NBAS: variants seen among roughly 807,000 people sequenced by gnomAD.
The protein encoded by NBAS is NBAS subunit of NRZ tethering complex, also known as NAG/BC035112 fusion.
In NBAS, 219 loss-of-function variants were observed where a neutral mutation model predicts 302.5. The observed-to-expected ratio is 0.72, with a 90% CI of 0.65 to 0.81. The LOEUF (loss-of-function observed/expected upper bound fraction) is 0.81, where lower values mean the gene tolerates loss of function less well. Among genes scored for constraint, NBAS ranks in the 30% least tolerant of loss-of-function variants. The probability of loss-of-function intolerance (pLI) is 0.00; values close to 1 mark genes in which losing one functional copy is unlikely to be tolerated. For missense variants in NBAS, 2,932 were observed against 2,841.6 expected (o/e 1.03, Z -0.72); for synonymous variants, 1,118 against 1,021.6 (o/e 1.09, Z -1.80).
chr2:15,085,154 C>G, the NBAS span, among the ~76,000 whole-genome samples: 2 of 152,146 alleles, frequency 1.3e-5, no homozygotes, highest in Non-Finnish European at 2.9e-5. Flanking sequence ...GAGCTGGGCC[C>G]GGGGTGGTGC....
the NBAS span, among the ~76,000 whole-genome samples, chr2:14,861,871 T>C: frequency 6.6e-6 from 1 of 152,226 alleles, no homozygotes; most frequent in Non-Finnish European, 1.5e-5. Context: ...GGGGCTTTCC[T>C]ACATTTATTG....
chr2:14,885,549 T>C, the NBAS span, among the ~76,000 whole-genome samples: 5 of 152,152 alleles, frequency 3.3e-5, no homozygotes, highest in Non-Finnish European at 5.9e-5. Flanking sequence ...TGAGTATATA[T>C]GTGAGGAGTA....
intron 9 of NBAS, among the ~76,000 whole-genome samples, chr2:15,521,978 T>C (rs550757420): frequency 6.6e-6 from 1 of 152,322 alleles, no homozygotes; most frequent in South Asian, 2.1e-4. Context: ...GGAAGTGTGC[T>C]GACCGTTGGC....
the NBAS span, among the ~76,000 whole-genome samples, chr2:14,784,535 T>C: frequency 6.6e-6 from 1 of 152,236 alleles, no homozygotes. Context: ...TTTCTACATA[T>C]GGCTAGCCAG....
At chr2:15,142,960 C>T in the NBAS span, among the ~76,000 whole-genome samples, 1 of 152,194 alleles carries the variant, frequency 6.6e-6, no homozygotes, top group African/African-American at 2.4e-5. Context: ...ATCCTGACCT[C>T]CTGCAACAAG....
chr2:14,805,199 T>C, the NBAS span, among the ~76,000 whole-genome samples: 2 of 152,126 alleles, frequency 1.3e-5, no homozygotes, highest in East Asian at 1.9e-4. Context: ...TGTCGTATAA[T>C]AAAAACACAG....
the NBAS span, among the ~76,000 whole-genome samples, chr2:14,905,838 A>C: frequency 0.052 from 7,940 of 152,238 alleles, 293 homozygotes; most frequent in East Asian, 0.16. Context: ...CGAGGCTCAA[A>C]GGCAACTTCC....
chr2:15,155,085 G>A, the NBAS span, among the ~76,000 whole-genome samples: 12 of 152,202 alleles, frequency 7.9e-5, no homozygotes, highest in East Asian at 5.8e-4. Context: ...AGGTAGGAAC[G>A]TTAAGCTGAA....
intron 23 of NBAS, among the ~76,000 whole-genome samples, chr2:15,422,008 C>T (rs959063512): frequency 2.6e-5 from 4 of 152,178 alleles, no homozygotes; most frequent in African/African-American, 9.7e-5. Context: ...TTCAGATTCA[C>T]TCTTAGTGCT....
At chr2:15,262,640 GATTCA>G (rs1399937145) in intron 44 of NBAS, among the ~76,000 whole-genome samples, 1 of 152,146 alleles carries the variant, frequency 6.6e-6, no homozygotes, top group South Asian at 2.1e-4. Flanking sequence ...GATCTATCAA[GATTCA>G]ATTCAATTCA....
In NBAS at chr2:15,179,172, C is replaced by T. The variant is rs148775196; in HGVS notation, c.6712-56G>A. On this transcript the variant is annotated intron_variant, in intron 50 of 51. Transcript: ENST00000281513. ...CTCCACGACGTACTTCTCACCGGCA[C>T]GGTTCTGGCTGGATCATTCCACCCC... 155 of 1,612,344 alleles carry T rather than the reference C, an allele frequency of 9.6e-5. 2 individuals are homozygous for T. Among genetic ancestry groups the T allele is most frequent in the African/African-American group, 8.7e-4 (65 of 74,954 alleles).
chr2:15,027,740 C>A, the NBAS span, among the ~76,000 whole-genome samples: 3 of 152,106 alleles, frequency 2.0e-5, no homozygotes, highest in Non-Finnish European at 4.4e-5. Context: ...TTTAGGATAA[C>A]GTTTACCACT....
rs1276328034 is a variant in NBAS at position 15,541,754 on chromosome 2, T to TG, written c.380-2399dup. On this transcript the variant is annotated intron_variant, in intron 6 of 51. Coordinates refer to ENST00000281513, the MANE Select transcript of NBAS (RefSeq NM_015909.4). ...AAAATCAAACTTCACGGGAGGGAGG[T>TG]GGGGGGGTCAGCCCCCCGCCCAGCC... 3.2e-4 allele frequency among the ~76,000 whole-genome samples: 47 copies of TG among 145,454 alleles called. No homozygotes were observed. The East Asian group carries it at 7.7e-3, about 24-fold the overall frequency.
the NBAS span, among the ~76,000 whole-genome samples, chr2:15,125,804 G>A: frequency 1.3e-5 from 2 of 152,166 alleles, no homozygotes; most frequent in African/African-American, 2.4e-5. Context: ...GATTTCACAG[G>A]CTCATAGGTG....
At chr2:15,398,513 C>T (rs1194523096) in intron 26 of NBAS, among the ~76,000 whole-genome samples, 1 of 152,258 alleles carries the variant, frequency 6.6e-6, no homozygotes, top group East Asian at 1.9e-4. Context: ...CAATATTCTT[C>T]CTTTGTGAGC....
At chr2:15,537,516 A>G (rs1388264622) in intron 7 of NBAS, among the ~76,000 whole-genome samples, 2 of 152,140 alleles carry the variant, frequency 1.3e-5, no homozygotes, top group Non-Finnish European at 2.9e-5. Context: ...GGTGGCTCAC[A>G]TCTGTAATCC....
intron 41 of NBAS, among the ~76,000 whole-genome samples, chr2:15,289,969 C>T (rs1429025698): frequency 1.3e-5 from 2 of 151,618 alleles, no homozygotes; most frequent in Non-Finnish European, 2.9e-5. Flanking sequence ...AGCCCTCCAG[C>T]CTGGCGCCAG....
At chr2:15,080,627 A>G in the NBAS span, among the ~76,000 whole-genome samples, 54 of 152,348 alleles carry the variant, frequency 3.5e-4, no homozygotes, top group East Asian at 9.8e-3. Flanking sequence ...TAAGCCATCA[A>G]CTGAAATCAC....
intron 29 of NBAS, 50 bp downstream of exon 29, chr2:15,383,165 C>A: frequency 2.1e-6 from 3 of 1,427,920 alleles, no homozygotes; most frequent in Non-Finnish European, 2.9e-6. Flanking sequence ...TAAACCATAA[C>A]AATTAAAATT....
Sources: allele counts gnomAD v4.1 joint callset (sites outside exome capture counted in the v4.1 genomes callset), GRCh38; gene constraint gnomAD v4.1.1; transcripts MANE v1.5; gene names NCBI Gene and HGNC (gene_info 2026-07-23, HGNC 2026-07-21).